GRID2: variants seen among roughly 807,000 people sequenced by gnomAD.
GRID2 encodes the protein glutamate receptor ionotropic, delta-2.
In GRID2, 33 loss-of-function variants were observed where a neutral mutation model predicts 114.8. The ratio of observed to expected loss-of-function variants is 0.29; its 90% CI spans 0.22 to 0.38. The LOEUF (loss-of-function observed/expected upper bound fraction) is 0.38, where lower values mean the gene tolerates loss of function less well. Ranked by LOEUF, GRID2 falls within the 10% of genes least tolerant of loss-of-function variation. The pLI is 1.00. For missense variants in GRID2, 1,184 were observed against 1,257.7 expected (o/e 0.94, Z 0.89); for synonymous variants, 505 against 449.9 (o/e 1.12, Z -1.55).
At chr4:92,366,365 A>C (rs150598306) in intron 1 of GRID2, among the ~76,000 whole-genome samples, 1 of 151,994 alleles carries the variant, frequency 6.6e-6, no homozygotes, top group Admixed American at 6.6e-5. Flanking sequence ...TGACAAACTA[A>C]AAACAAAATT....
chr4:93,783,888 C>T (rs1368897173), intron 1 of GRID2, among the ~76,000 whole-genome samples: 3 of 150,998 alleles, frequency 2.0e-5, no homozygotes, highest in East Asian at 1.9e-4. Flanking sequence ...CCGGCTAAAA[C>T]GGTGAAACCC....
intron 8 of GRID2, among the ~76,000 whole-genome samples, chr4:93,389,617 G>A (rs749879256): frequency 3.9e-5 from 6 of 152,030 alleles, no homozygotes; most frequent in Non-Finnish European, 8.8e-5. Flanking sequence ...CATCATTCTG[G>A]CACATAGTTT....
intron 13 of GRID2, among the ~76,000 whole-genome samples, chr4:93,591,107 T>G (rs1187840378): frequency 6.9e-6 from 1 of 144,540 alleles, no homozygotes; most frequent in African/African-American, 2.5e-5. Context: ...ATAGGAGTGG[T>G]GAGAGAGGGC....
At chr4:93,272,042 C>T (rs1751521156) in intron 8 of GRID2, among the ~76,000 whole-genome samples, 2 of 152,024 alleles carry the variant, frequency 1.3e-5, no homozygotes, top group African/African-American at 4.8e-5. Context: ...TAAGTTAGGA[C>T]CAGAATCCAG....
intron 2 of GRID2, among the ~76,000 whole-genome samples, chr4:92,744,715 G>C (rs4346617): frequency 2.4e-4 from 37 of 152,048 alleles, no homozygotes; most frequent in African/African-American, 8.0e-4. Context: ...ATTACCTGAG[G>C]CTCAAGGCAA....
At chr4:92,651,711 TCA>T (rs1731943289) in intron 2 of GRID2, among the ~76,000 whole-genome samples, 1 of 152,054 alleles carries the variant, frequency 6.6e-6, no homozygotes, top group Non-Finnish European at 1.5e-5. Flanking sequence ...TGATATATAA[TCA>T]CACATCTGGC....
intron 14 of GRID2, among the ~76,000 whole-genome samples, chr4:93,658,169 A>G (rs1321957727): frequency 6.6e-6 from 1 of 152,254 alleles, no homozygotes; most frequent in Non-Finnish European, 1.5e-5. Context: ...AGAGCATAAA[A>G]TAAACCCTAT....
intron 2 of GRID2, among the ~76,000 whole-genome samples, chr4:93,075,671 G>C (rs1398992298): frequency 6.6e-6 from 1 of 151,876 alleles, no homozygotes; most frequent in Non-Finnish European, 1.5e-5. Flanking sequence ...TTCTGGCAAT[G>C]AAATTTGGAA....
At chr4:93,126,838 C>A (rs1224816680) in intron 4 of GRID2, among the ~76,000 whole-genome samples, 1 of 151,794 alleles carries the variant, frequency 6.6e-6, no homozygotes, top group Non-Finnish European at 1.5e-5. Flanking sequence ...ACCTCGTGAT[C>A]CGCCCGCCTC....
chr4:92,372,786 TG>T (rs1378723847), intron 1 of GRID2, among the ~76,000 whole-genome samples: 24 of 152,132 alleles, frequency 1.6e-4, no homozygotes, highest in African/African-American at 5.8e-4. Context: ...TATGCCCATT[TG>T]TACAAGAGAA....
chr4:93,781,320 G>GCCACTGGGCTGCGGTGAGGC (rs1048742752), intron 1 of GRID2, among the ~76,000 whole-genome samples: 1 of 152,050 alleles, frequency 6.6e-6, no homozygotes. Flanking sequence ...TTATGGGGAT[G>GCCACTGGGCTGCGGTGAGGC]CCACTGGGCT....
chr4:93,270,919 G>A (rs561600869), intron 8 of GRID2, among the ~76,000 whole-genome samples: 12 of 152,206 alleles, frequency 7.9e-5, no homozygotes, highest in East Asian at 1.9e-4. Flanking sequence ...GTGAGCCACC[G>A]TGCCCGGCCC....
intron 8 of GRID2, among the ~76,000 whole-genome samples, chr4:93,328,691 ATGGATGGATGGATGGT>A (rs1355693457): frequency 6.7e-6 from 1 of 149,150 alleles, no homozygotes; most frequent in African/African-American, 2.5e-5. Flanking sequence ...AAGTGCATGG[ATGGATGGATGGATGGT>A]TGGATGGATG....
At chr4:92,404,310 G>A (rs1165949927) in intron 1 of GRID2, among the ~76,000 whole-genome samples, 1 of 152,074 alleles carries the variant, frequency 6.6e-6, no homozygotes, top group Non-Finnish European at 1.5e-5. Context: ...TGATTCTAGG[G>A]AAATGCAAAT....
chr4:92,602,217 A>G (rs1729248347), intron 2 of GRID2, among the ~76,000 whole-genome samples: 1 of 150,972 alleles, frequency 6.6e-6, no homozygotes, highest in East Asian at 1.9e-4. Context: ...AAAAAAAAAA[A>G]GAAAAGAAAA....
chr4:92,918,245 T>C (rs188137641), intron 2 of GRID2, among the ~76,000 whole-genome samples: 1 of 152,294 alleles, frequency 6.6e-6, no homozygotes, highest in East Asian at 1.9e-4. Context: ...CTTAAGGATA[T>C]ATTGGGCTGA....
At chr4:93,383,812 T>G (rs776401868) in intron 8 of GRID2, among the ~76,000 whole-genome samples, 50 of 152,232 alleles carry the variant, frequency 3.3e-4, no homozygotes, top group Non-Finnish European at 6.6e-4. Context: ...TTCACTTGAT[T>G]GGCTTCCAAA....
chr4:93,162,608 T>C (rs748393261), intron 4 of GRID2, among the ~76,000 whole-genome samples: 2 of 151,984 alleles, frequency 1.3e-5, no homozygotes, highest in Non-Finnish European at 2.9e-5. Context: ...ATTATACAAC[T>C]GGACTAATGA....
At chr4:93,075,832 T>G (rs1729215575) in intron 2 of GRID2, among the ~76,000 whole-genome samples, 1 of 149,578 alleles carries the variant, frequency 6.7e-6, no homozygotes, top group Non-Finnish European at 1.5e-5. Flanking sequence ...TTATGTATAA[T>G]GCTTATGAAT....
Sources: gnomAD v4.1 joint callset for allele counts (sites outside exome capture counted in the v4.1 genomes callset) on GRCh38, gnomAD v4.1.1 for gene constraint, MANE v1.5 for transcripts, NCBI Gene and HGNC (gene_info 2026-07-23, HGNC 2026-07-21) for gene names.